Variants in LIPA observed in about 807,000 individuals in gnomAD.
LIPA encodes the protein lysosomal acid lipase/cholesteryl ester hydrolase.
In LIPA, 26 loss-of-function variants were observed where a neutral mutation model predicts 40.6. That is an observed-to-expected ratio of 0.64 (90% CI 0.47 to 0.89). The LOEUF is 0.89. Among genes scored for constraint, LIPA ranks in the 40% least tolerant of loss-of-function variants. The pLI, the probability that LIPA is intolerant of heterozygous loss-of-function variation, is 0.00. For missense variants in LIPA, 455 were observed against 479.6 expected, an observed-to-expected ratio of 0.95 and a Z score of 0.48; for synonymous variants, 188 against 168.4, an observed-to-expected ratio of 1.12 and a Z score of -0.90.
At chr10:89,345,663 A>G (rs1843914908), upstream of LIPA, among the ~76,000 whole-genome samples, 1 of 152,140 alleles carries the variant, frequency 6.6e-6, no homozygotes, top group Non-Finnish European at 1.5e-5. Flanking sequence ...GAAATTAGAA[A>G]CTCAAAGGAT....
intron 2 of LIPA, among the ~76,000 whole-genome samples, chr10:89,348,680 C>T (rs79153703): frequency 0.017 from 2,619 of 152,314 alleles, 87 homozygotes; most frequent in African/African-American, 0.059. Flanking sequence ...CTCTAACTTC[C>T]TTGGCTGTTG....
At chr10:89,224,531 A>T (rs1181389564) in intron 6 of LIPA, among the ~76,000 whole-genome samples, 1 of 152,262 alleles carries the variant, frequency 6.6e-6, no homozygotes, top group East Asian at 1.9e-4. Context: ...CATGCATAAT[A>T]GAACATCTGG....
Position 89,265,835 on chromosome 10 carries a change from A to G in LIPA, c.-1-18186T>C, listed in dbSNP as rs140451686. On this transcript the variant is annotated intron_variant, in intron 1 of 5. Transcript: ENST00000282673. ...CTCAACATGAGAGAACTAAAAACCAAAGAAGATGCTATGTTATTATTACAG... is the reference window on the plus strand; with the variant it reads ...CTCAACATGAGAGAACTAAAAACCAGAGAAGATGCTATGTTATTATTACAG... Among the ~76,000 whole-genome samples the G allele has an allele frequency of 6.1e-3, 935 of 152,366 alleles. 14 individuals carry two copies. The highest frequency in any genetic ancestry group is 0.021 in the African/African-American group (854 of 41,588).
At chr10:89,241,453 G>A (rs374318496) in intron 3 of LIPA, among the ~76,000 whole-genome samples, 7 of 152,346 alleles carry the variant, frequency 4.6e-5, no homozygotes, top group African/African-American at 1.7e-4. Context: ...TAGCCCGTTA[G>A]AGCACTGCAG....
At chr10:89,345,615 A>G (rs1268257821), upstream of LIPA, among the ~76,000 whole-genome samples, 2 of 152,028 alleles carry the variant, frequency 1.3e-5, no homozygotes, top group African/African-American at 2.4e-5. Flanking sequence ...TTGCACAAGA[A>G]CCAAACAAAA....
chr10:89,276,955 C>A (rs947882497), intron 1 of LIPA, among the ~76,000 whole-genome samples: 3 of 152,198 alleles, frequency 2.0e-5, no homozygotes, highest in Non-Finnish European at 4.4e-5. Context: ...AGAGCCCTGT[C>A]TCGACCCTCC....
chr10:89,359,011 A>G (rs1844004336), intron 2 of LIPA, among the ~76,000 whole-genome samples: 1 of 152,226 alleles, frequency 6.6e-6, no homozygotes, highest in Non-Finnish European at 1.5e-5. Flanking sequence ...ATGTATCAAA[A>G]TATCAGTTCT....
chr10:89,327,947 G>A (rs961874992), intron 1 of LIPA: 6 of 853,852 alleles, frequency 7.0e-6, no homozygotes, highest in Admixed American at 2.2e-5. Context: ...CAGCTGATGC[G>A]TGCCCTACTC....
At chr10:89,351,479 G>A (rs1843958451) in intron 2 of LIPA, among the ~76,000 whole-genome samples, 1 of 152,214 alleles carries the variant, frequency 6.6e-6, no homozygotes, top group African/African-American at 2.4e-5. Context: ...GCTCCACAGA[G>A]CAGTGATTTG....
At chr10:89,382,173 C>G (rs1463310158) in intron 2 of LIPA, among the ~76,000 whole-genome samples, 1 of 151,994 alleles carries the variant, frequency 6.6e-6, no homozygotes, top group African/African-American at 2.4e-5. Context: ...TATATTGAGT[C>G]AGGATTTATA....
chr10:89,232,266 C>T (rs774532027), intron 3 of LIPA, among the ~76,000 whole-genome samples: 3 of 152,182 alleles, frequency 2.0e-5, no homozygotes, highest in Non-Finnish European at 4.4e-5. Flanking sequence ...AGGGGCTTTC[C>T]TGCTCATGTC....
At chr10:89,306,069 T>C (rs1843475886) in intron 1 of LIPA, 1 of 1,614,020 alleles carries the variant, frequency 6.2e-7, no homozygotes, top group Non-Finnish European at 8.5e-7. Flanking sequence ...GAAGACAAAG[T>C]ATTTTACCGG....
intron 3 of LIPA, among the ~76,000 whole-genome samples, chr10:89,244,428 A>T (rs1371689749): frequency 6.6e-6 from 1 of 152,144 alleles, no homozygotes; most frequent in Non-Finnish European, 1.5e-5. Context: ...AACTACCTTA[A>T]TCTAAACCTT....
At chr10:89,307,351 A>G (rs1843489097) in intron 1 of LIPA, 1 of 1,603,500 alleles carries the variant, frequency 6.2e-7, no homozygotes. Flanking sequence ...TCATCCCTTC[A>G]GCATCAAGCT....
At chr10:89,295,163 A>G (rs1188032488) in intron 1 of LIPA, among the ~76,000 whole-genome samples, 2 of 152,014 alleles carry the variant, frequency 1.3e-5, no homozygotes, top group African/African-American at 4.8e-5. Context: ...TTAAACGTGT[A>G]TTTGTGAATG....
intron 2 of LIPA, among the ~76,000 whole-genome samples, chr10:89,397,790 A>G (rs899424235): frequency 6.6e-6 from 1 of 152,232 alleles, no homozygotes; most frequent in Non-Finnish European, 1.5e-5. Flanking sequence ...AACACTTTGT[A>G]TATTACAGAT....
At chr10:89,272,107 C>T (rs886291933) in intron 1 of LIPA, among the ~76,000 whole-genome samples, 11 of 151,990 alleles carry the variant, frequency 7.2e-5, no homozygotes, top group African/African-American at 2.4e-4. Flanking sequence ...TTGTTTTAAG[C>T]TCAGGGGCAC....
chr10:89,360,713 T>A (rs1844017013), intron 2 of LIPA, among the ~76,000 whole-genome samples: 1 of 152,234 alleles, frequency 6.6e-6, no homozygotes, highest in South Asian at 2.1e-4. Flanking sequence ...ACATGGGGAT[T>A]CCCTAAGATC....
At chr10:89,325,087 A>G (rs1238169759) in intron 1 of LIPA, among the ~76,000 whole-genome samples, 1 of 152,156 alleles carries the variant, frequency 6.6e-6, no homozygotes, top group Non-Finnish European at 1.5e-5. Context: ...TCCTTCAGAT[A>G]CCCTAAAAAA....
Sources: allele counts gnomAD v4.1 joint callset (sites outside exome capture counted in the v4.1 genomes callset), GRCh38; gene constraint gnomAD v4.1.1; transcripts MANE v1.5; gene names NCBI Gene and HGNC (gene_info 2026-07-23, HGNC 2026-07-21).